TOX: variants seen among roughly 807,000 people sequenced by gnomAD.
The protein encoded by TOX is thymocyte selection associated high mobility group box, also known as thymocyte selection-associated high mobility group box protein TOX.
TOX carries 11 observed loss-of-function variants against 53.7 expected under a neutral mutation model. The observed-to-expected ratio is 0.20, with a 90% confidence interval of 0.13 to 0.34. The LOEUF is 0.34. Ranked by LOEUF, TOX falls within the 10% of genes least tolerant of loss-of-function variation. The probability of loss-of-function intolerance (pLI) is 1.00; values close to 1 mark genes in which losing one functional copy is unlikely to be tolerated. For missense variants in TOX, 570 were observed against 664.6 expected (o/e 0.86, Z 1.56); for synonymous variants, 225 against 245.3 (o/e 0.92, Z 0.77).
At chr8:59,106,859 C>T (rs970531845) in intron 1 of TOX, among the ~76,000 whole-genome samples, 5 of 151,858 alleles carry the variant, frequency 3.3e-5, no homozygotes, top group African/African-American at 1.2e-4. Flanking sequence ...ATCATTATGC[C>T]CTGAATTTTA....
chr8:58,954,103 C>T (rs564864826), intron 2 of TOX, among the ~76,000 whole-genome samples: 2 of 152,198 alleles, frequency 1.3e-5, no homozygotes, highest in South Asian at 4.1e-4. Context: ...TGATAAACAA[C>T]AGCATGATGT....
chr8:58,865,837 T>TTC (rs1811088975), intron 3 of TOX, among the ~76,000 whole-genome samples: 2 of 103,140 alleles, frequency 1.9e-5, no homozygotes, highest in Admixed American at 9.3e-5. Context: ...CTTTTTTTTT[T>TTC]TTTTTTTTTT....
At chr8:58,969,162 T>C (rs926416889) in intron 1 of TOX, among the ~76,000 whole-genome samples, 1 of 152,222 alleles carries the variant, frequency 6.6e-6, no homozygotes, top group Non-Finnish European at 1.5e-5. Flanking sequence ...GGTATTTTGG[T>C]ATGCTCAGGC....
At chr8:58,995,072 A>G (rs1463121334) in intron 1 of TOX, among the ~76,000 whole-genome samples, 1 of 152,224 alleles carries the variant, frequency 6.6e-6, no homozygotes, top group African/African-American at 2.4e-5. Context: ...ATTTCTGTAT[A>G]TGTAATAAGC....
At chr8:58,904,141 T>G (rs1811775820) in intron 3 of TOX, among the ~76,000 whole-genome samples, 1 of 152,178 alleles carries the variant, frequency 6.6e-6, no homozygotes, top group Non-Finnish European at 1.5e-5. Flanking sequence ...TTTGAATGGT[T>G]TTGCTAAGAA....
chr8:58,862,395 C>T (rs1200071897), intron 3 of TOX, among the ~76,000 whole-genome samples: 1 of 152,104 alleles, frequency 6.6e-6, no homozygotes, highest in African/African-American at 2.4e-5. Context: ...ATTAACATCA[C>T]TCACTCATTT....
intron 4 of TOX, 123 bp from the exon 5 acceptor site, chr8:58,838,434 T>G: frequency 1.4e-6 from 1 of 727,508 alleles, no homozygotes; most frequent in Non-Finnish European, 2.3e-6. Context: ...CAGGCTTTTC[T>G]AAGGGACACA....
At chr8:58,954,521 A>C (rs56024919) in intron 2 of TOX, among the ~76,000 whole-genome samples, 47,044 of 152,068 alleles carry the variant, frequency 0.31, 7,546 homozygotes, top group East Asian at 0.4. Flanking sequence ...CAAGACAAGG[A>C]CATTCCTGGT....
Position 58,888,030 on chromosome 8 carries a change from CA to C in TOX, c.412-36226del, listed in dbSNP as rs1811501246. Among the ~76,000 whole-genome samples the C allele has an allele frequency of 2.0e-5, 3 of 152,058 alleles. No homozygotes were observed. The South Asian group carries it at 6.2e-4, about 31-fold the overall frequency. On this transcript the variant is annotated intron_variant, in intron 3 of 8. Coordinates refer to ENST00000361421, the MANE Select transcript of TOX (RefSeq NM_014729.3). The stretch of plus-strand genomic sequence containing the variant: ...AGTGTAGCCTATTGCTCCTTGTCTA[CA>C]AACCTGTACAGCATGTGACTGAACT...
At chr8:58,864,036 A>G (rs1161107211) in intron 3 of TOX, among the ~76,000 whole-genome samples, 1 of 152,140 alleles carries the variant, frequency 6.6e-6, no homozygotes, top group African/African-American at 2.4e-5. Flanking sequence ...GAGGCAATAT[A>G]ATTGACAGCA....
intron 3 of TOX, among the ~76,000 whole-genome samples, chr8:58,877,630 A>G (rs1370289697): frequency 6.6e-6 from 1 of 152,230 alleles, no homozygotes; most frequent in Non-Finnish European, 1.5e-5. Context: ...ATATGTAATC[A>G]GGGATCTGAA....
chr8:58,921,309 A>C (rs1263064322), intron 3 of TOX, among the ~76,000 whole-genome samples: 3 of 152,270 alleles, frequency 2.0e-5, no homozygotes, highest in Non-Finnish European at 4.4e-5. Context: ...AGTTACATAA[A>C]AATCCATAAA....
intron 1 of TOX, among the ~76,000 whole-genome samples, chr8:59,023,511 T>C (rs908013147): frequency 1.3e-5 from 2 of 152,190 alleles, no homozygotes; most frequent in African/African-American, 2.4e-5. Flanking sequence ...CAACTCATCA[T>C]AGGAGACTCA....
intron 1 of TOX, among the ~76,000 whole-genome samples, chr8:59,037,022 C>A (rs185815144): frequency 1.2e-4 from 18 of 152,282 alleles, no homozygotes; most frequent in African/African-American, 3.8e-4. Context: ...TCAAGAGCTG[C>A]TCATAGTTTG....
intron 6 of TOX, among the ~76,000 whole-genome samples, chr8:58,823,315 A>G (rs1034664151): frequency 6.6e-6 from 1 of 151,992 alleles, no homozygotes; most frequent in Admixed American, 6.6e-5. Flanking sequence ...CCTCTACCTC[A>G]CGGGTTCAAG....
At chr8:59,079,985 CTTTT>C (rs140553464) in intron 1 of TOX, among the ~76,000 whole-genome samples, 2 of 140,868 alleles carry the variant, frequency 1.4e-5, no homozygotes, top group Admixed American at 7.0e-5. Context: ...GTTTTCTTTT[CTTTT>C]TTTTTTTTTT....
chr8:58,817,824 T>G (rs1354490772), intron 6 of TOX, among the ~76,000 whole-genome samples: 1 of 152,168 alleles, frequency 6.6e-6, no homozygotes, highest in Non-Finnish European at 1.5e-5. Flanking sequence ...CTCACATTCT[T>G]GTATGATCAA....
At chr8:59,040,328 CA>C (rs770561876) in intron 1 of TOX, among the ~76,000 whole-genome samples, 16,269 of 80,848 alleles carry the variant, frequency 0.2, 944 homozygotes, top group East Asian at 0.44. Flanking sequence ...GACTCCGTCT[CA>C]AAAAAAAAAA....
chr8:58,938,247 C>T (rs1359076690), intron 3 of TOX, among the ~76,000 whole-genome samples: 4 of 152,142 alleles, frequency 2.6e-5, no homozygotes. Flanking sequence ...TGCAAAATCA[C>T]TCAAGTTAGA....
Sources: allele counts gnomAD v4.1 joint callset (sites outside exome capture counted in the v4.1 genomes callset), GRCh38; gene constraint gnomAD v4.1.1; transcripts MANE v1.5; gene names NCBI Gene and HGNC (gene_info 2026-07-23, HGNC 2026-07-21).